Variants in TEAD1 observed in about 807,000 individuals in gnomAD.
TEAD1 encodes the protein TEA domain transcription factor 1, also known as transcriptional enhancer factor TEF-1.
A neutral mutation model predicts 54.9 loss-of-function variants in TEAD1; 9 were observed. That is an observed-to-expected ratio of 0.16 (90% CI 0.10 to 0.29). The LOEUF (loss-of-function observed/expected upper bound fraction) is 0.29, where lower values mean the gene tolerates loss of function less well. Ranked by LOEUF, TEAD1 falls within the 10% of genes least tolerant of loss-of-function variation. The pLI, the probability that TEAD1 is intolerant of heterozygous loss-of-function variation, is 1.00. For missense variants in TEAD1, 387 were observed against 535.9 expected (o/e 0.72, Z 2.74); for synonymous variants, 200 against 187.8 (o/e 1.07, Z -0.53).
intron 12 of TEAD1, among the ~76,000 whole-genome samples, chr11:12,935,448 A>AT (rs1949082540): frequency 6.6e-6 from 1 of 150,586 alleles, no homozygotes; most frequent in African/African-American, 2.5e-5. Flanking sequence ...GCAATTATTT[A>AT]TTTATTTATT....
chr11:12,759,817 G>C (rs1326269329), intron 2 of TEAD1, among the ~76,000 whole-genome samples: 2 of 152,146 alleles, frequency 1.3e-5, no homozygotes, highest in African/African-American at 4.8e-5. Flanking sequence ...AGCTGAGATC[G>C]TGCCACTGCA....
At chr11:12,721,334 C>CT (rs899083875) in intron 2 of TEAD1, among the ~76,000 whole-genome samples, 1 of 152,128 alleles carries the variant, frequency 6.6e-6, no homozygotes, top group African/African-American at 2.4e-5. Flanking sequence ...TTTTCTGGCT[C>CT]TTGCGAGTGC....
Position 12,938,889 on chromosome 11 carries a change from G to T in TEAD1, c.*1667G>T, listed in dbSNP as rs1430720271. On this transcript the variant is annotated 3_prime_UTR_variant, in exon 13 of 13. Coordinates refer to ENST00000527636, the MANE Select transcript of TEAD1 (RefSeq NM_021961.6). The stretch of plus-strand genomic sequence containing the variant: ...GAACATGAAATAAGTTTTTTAACTT[G>T]TAAAACATGTCAAGATTTTTCCACC... The T allele has an allele frequency of 6.6e-6, 1 of 152,228 alleles. No individual in the cohort carries two copies. Among genetic ancestry groups the T allele is most frequent in the East Asian group, 1.9e-4 (1 of 5,198 alleles). 9.4% of individuals were successfully genotyped at this position (152,228 alleles called of 1,614,324 possible). A position where few individuals can be genotyped will look rare whatever the true frequency, so the allele number is the denominator to read the frequency against.
intron 2 of TEAD1, among the ~76,000 whole-genome samples, chr11:12,724,308 G>C (rs77879426): frequency 6.6e-6 from 1 of 152,222 alleles, no homozygotes; most frequent in Non-Finnish European, 1.5e-5. Context: ...TGTACATAAA[G>C]TAGAATGATC....
In TEAD1 at chr11:12,897,310, T is replaced by C. The variant is rs148362991; in HGVS notation, c.700-4630T>C. ...ATAATCCACCTTGGCCCACTTCCCT[T>C]ATAAGGAGAACTGGCAAGACTGGAA... is the stretch of plus-strand genomic sequence containing the variant. On this transcript the variant is annotated intron_variant, in intron 9 of 12. Coordinates refer to ENST00000527636, the MANE Select transcript of TEAD1 (RefSeq NM_021961.6). 5.0e-3 allele frequency among the ~76,000 whole-genome samples: 765 copies of C among 152,302 alleles called. 5 individuals are homozygous for C. The highest frequency in any genetic ancestry group is 7.4e-3 in the Non-Finnish European group (506 of 68,018).
chr11:12,884,646 G>A (rs956881492), intron 9 of TEAD1, among the ~76,000 whole-genome samples: 1 of 152,130 alleles, frequency 6.6e-6, no homozygotes, highest in Non-Finnish European at 1.5e-5. Flanking sequence ...GGGAGCTGGT[G>A]GAAAAATAGA....
At chr11:12,915,342 C>G (rs1354697395) in intron 10 of TEAD1, among the ~76,000 whole-genome samples, 1 of 152,118 alleles carries the variant, frequency 6.6e-6, no homozygotes, top group East Asian at 1.9e-4. Flanking sequence ...ATCCTTCTGC[C>G]CCCACAGCCA....
chr11:12,816,727 T>G (rs1792715810), intron 3 of TEAD1, among the ~76,000 whole-genome samples: 1 of 152,160 alleles, frequency 6.6e-6, no homozygotes, highest in South Asian at 2.1e-4. Context: ...ATTTAGCACA[T>G]CTTTTGTGTG....
At chr11:12,762,024 G>T (rs148495390) in intron 2 of TEAD1, among the ~76,000 whole-genome samples, 2 of 152,068 alleles carry the variant, frequency 1.3e-5, no homozygotes, top group Admixed American at 6.6e-5. Flanking sequence ...GCAGTCGAAG[G>T]TCCCTCAGTC....
In TEAD1 at chr11:12,674,502, C is replaced by G. The variant is rs534212370; in HGVS notation, c.-540C>G. On this transcript the variant is annotated 5_prime_UTR_variant, in exon 1 of 13. Transcript: ENST00000527636. ...GCCTCTGCTGCCGCCGCCGCGGCCC[C>G]GCCGCCCGCCGCGGGCGCCCACCAA... is the stretch of plus-strand genomic sequence containing the variant. The G allele has an allele frequency of 2.0e-5, 3 of 151,214 alleles. No individual in the cohort carries two copies. The highest frequency in any genetic ancestry group is 4.4e-5 in the Non-Finnish European group (3 of 68,020). The allele number at this position is 151,214 out of a possible 1,614,324, so 9.4% of individuals were successfully genotyped here. A position where few individuals can be genotyped will look rare whatever the true frequency, so the allele number is the denominator to read the frequency against.
At chr11:12,823,172 C>T (rs1410908900) in intron 3 of TEAD1, among the ~76,000 whole-genome samples, 1 of 152,206 alleles carries the variant, frequency 6.6e-6, no homozygotes, top group African/African-American at 2.4e-5. Flanking sequence ...TCCCCCTCAG[C>T]TCTTCAGGGA....
rs558329451 is a variant in TEAD1 at position 12,834,723 on chromosome 11, A to G, written c.203-27527A>G. Among the ~76,000 whole-genome samples the G allele has an allele frequency of 4.9e-5, 7 of 141,902 alleles. No homozygotes were observed. In the South Asian group the frequency reaches 1.6e-3, roughly 32 times the overall value. 93.1% of individuals were successfully genotyped at this position (141,902 alleles called of 152,430 possible). The stretch of plus-strand genomic sequence containing the variant: ...GCGATCATCCTGCCTCAGCCTCCCA[A>G]AGTATTGGGATTACAGAGGTTCACA... On this transcript the variant is annotated intron_variant, in intron 3 of 12. Transcript: ENST00000527636.
intron 3 of TEAD1, among the ~76,000 whole-genome samples, chr11:12,827,497 A>G (rs1946680527): frequency 6.6e-6 from 1 of 152,182 alleles, no homozygotes; most frequent in African/African-American, 2.4e-5. Flanking sequence ...TCCCTATTTT[A>G]CAAGTAGGAA....
intron 2 of TEAD1, among the ~76,000 whole-genome samples, chr11:12,735,796 C>T (rs1349297241): frequency 2.0e-5 from 3 of 152,140 alleles, no homozygotes; most frequent in African/African-American, 4.8e-5. Flanking sequence ...TCTCACTGGA[C>T]TGTGAAATCT....
intron 4 of TEAD1, among the ~76,000 whole-genome samples, chr11:12,864,071 CA>C (rs35076560): frequency 0.63 from 88,357 of 140,322 alleles, 27,223 homozygotes; most frequent in East Asian, 0.73. Flanking sequence ...TTTATAAGGG[CA>C]AAAAAAAAAA....
chr11:12,872,430 G>A (rs1947768821), intron 5 of TEAD1, among the ~76,000 whole-genome samples: 1 of 152,168 alleles, frequency 6.6e-6, no homozygotes, highest in Admixed American at 6.5e-5. Context: ...ATCTTCAGGG[G>A]GAGTTCTTTT....
At chr11:12,789,889 G>A (rs112731882) in intron 3 of TEAD1, among the ~76,000 whole-genome samples, 33 of 152,384 alleles carry the variant, frequency 2.2e-4, no homozygotes, top group South Asian at 2.1e-4. Context: ...GGGGCTCAGC[G>A]TAACAGACCC....
chr11:12,883,998 A>C (rs1948032494), intron 9 of TEAD1, among the ~76,000 whole-genome samples: 1 of 151,854 alleles, frequency 6.6e-6, no homozygotes, highest in South Asian at 2.1e-4. Flanking sequence ...CGTCTCAAAA[A>C]AAAAAAAAAA....
intron 2 of TEAD1, among the ~76,000 whole-genome samples, chr11:12,726,260 A>G (rs2133872378): frequency 6.6e-6 from 1 of 152,266 alleles, no homozygotes; most frequent in East Asian, 1.9e-4. Context: ...TGAGACTTGA[A>G]GGATGTTGCT....
Sources: gnomAD v4.1 joint callset for allele counts (sites outside exome capture counted in the v4.1 genomes callset) on GRCh38, gnomAD v4.1.1 for gene constraint, MANE v1.5 for transcripts, NCBI Gene and HGNC (gene_info 2026-07-23, HGNC 2026-07-21) for gene names.